The following AZI2 variants were observed in gnomAD, a reference collection of about 807,000 sequenced individuals.
The protein encoded by AZI2 is 5-azacytidine induced 2.
AZI2 carries 22 observed loss-of-function variants against 45.8 expected under a neutral mutation model. That is an observed-to-expected ratio of 0.48 (90% CI 0.34 to 0.69). The LOEUF is 0.69. Among genes scored for constraint, AZI2 ranks in the 30% least tolerant of loss-of-function variants. The probability of loss-of-function intolerance (pLI) is 0.01; values close to 1 mark genes in which losing one functional copy is unlikely to be tolerated. For synonymous variants in AZI2, 137 were observed against 156.7 expected, an observed-to-expected ratio of 0.87 and a Z score of 0.94; for missense variants, 417 against 441.5, an observed-to-expected ratio of 0.94 and a Z score of 0.50.
At position 28,324,417 on chromosome 3, in the gene AZI2, T is replaced by G; in HGVS notation, c.804A>C (p.Arg268Ser). The change falls in exon 8 of 8, where the codon AGA becomes AGC. Residue 268 changes from arginine (R) to serine (S), a missense_variant. Arg to Ser is a moderately radical substitution (Grantham distance 110). Coordinates refer to ENST00000479665, the MANE Select transcript of AZI2 (RefSeq NM_022461.5). ...APVGCSEDLG[R>S]DSTKLHLMNF... ...TCATCAAGTGCAGTTTTGTGCTGTC[T>G]CTTCCAAGGTCTTCACTGCATCCTA... The G allele has an allele frequency of 6.5e-7, 1 of 1,529,164 alleles. No individual in the cohort carries two copies. The highest frequency in any genetic ancestry group is 8.8e-7 in the Non-Finnish European group (1 of 1,137,086). The allele number at this position is 1,529,164 out of a possible 1,614,324, so 94.7% of individuals were successfully genotyped here.
chr3:28,337,900 A>T, intron 4 of AZI2, 37 bp downstream of exon 4: 1 of 1,281,668 alleles, frequency 7.8e-7, no homozygotes, highest in Non-Finnish European at 1.1e-6. Flanking sequence ...AAATATGTTA[A>T]TTCTGTTAGA....
chr3:28,332,258 A>G (rs1703607859), intron 6 of AZI2, 111 bp downstream of exon 6: 5 of 886,120 alleles, frequency 5.6e-6, no homozygotes, highest in Non-Finnish European at 1.8e-6. Flanking sequence ...TATCCAAACA[A>G]TATCCATTTT....
intron 7 of AZI2, 26 bp from the exon 8 acceptor site, chr3:28,324,480 T>C (rs1423873527): frequency 2.8e-6 from 4 of 1,431,488 alleles, no homozygotes; most frequent in Non-Finnish European, 3.7e-6. Flanking sequence ...AGACTAAATG[T>C]CAGTTTTCAT....
At position 28,324,431 on chromosome 3, in the gene AZI2, C is replaced by A; in HGVS notation, c.790G>T (p.Glu264Ter). 6.6e-7 allele frequency: 1 copy of A among 1,512,262 alleles called. No homozygotes were observed. Among genetic ancestry groups the A allele is most frequent in the Non-Finnish European group, 8.9e-7 (1 of 1,128,600 alleles). 93.7% of individuals were successfully genotyped at this position (1,512,262 alleles called of 1,614,324 possible). Residue 264 changes from glutamate to a stop codon, truncating the protein, a stop_gained, in exon 8 of 8, where the codon GAA becomes TAA. Transcript: ENST00000479665. LOFTEE classifies it high-confidence loss of function. Reference protein sequence around the residue: ...KKACAPVGCSEDLGRDSTKLH... With the variant: ...KKACAPVGCS ...TTTGTGCTGTCTCTTCCAAGGTCTT[C>A]ACTGCATCCTACAGGGGCACAGGCT...
intron 2 of AZI2, 35 bp from the exon 3 acceptor site, chr3:28,338,650 G>A: frequency 6.3e-7 from 1 of 1,580,536 alleles, no homozygotes; most frequent in Non-Finnish European, 8.6e-7. Flanking sequence ...AAGCTTAAGA[G>A]AGTATTCTAT....
In AZI2 at chr3:28,324,192, A is replaced by G; in HGVS notation, c.1029T>C (p.Ser343=). The G allele has an allele frequency of 6.2e-7, 1 of 1,610,782 alleles. No individual in the cohort carries two copies. Among genetic ancestry groups the G allele is most frequent in the Non-Finnish European group, 8.5e-7 (1 of 1,177,674 alleles). ...FQEHSSYGRN[S]LEDNSWVFPS... ...GAAATACCCAGGAATTGTCTTCCAGAGAATTTCTGCCATAAGAACTGTGTT... is the reference window on the plus strand; with the variant it reads ...GAAATACCCAGGAATTGTCTTCCAGGGAATTTCTGCCATAAGAACTGTGTT... Residue 343 remains serine, a synonymous_variant, in exon 8 of 8, where the codon TCT becomes TCC. Coordinates refer to ENST00000479665, the MANE Select transcript of AZI2 (RefSeq NM_022461.5).
chr3:28,332,010 A>G (rs1703598185), intron 6 of AZI2: 4 of 1,034,380 alleles, frequency 3.9e-6, no homozygotes, highest in African/African-American at 1.6e-5. Flanking sequence ...AAGACTAACA[A>G]TGGCCAAGTA....
rs1231203028 is a variant in AZI2 at position 28,323,639 on chromosome 3, T to C, written c.*403A>G. The stretch of plus-strand genomic sequence containing the variant: ...ACTCACATTGCCATTTGTTCCATTA[T>C]GCAATTTGAAGAAACATGTTTTCCT... On this transcript the variant is annotated 3_prime_UTR_variant, in exon 8 of 8. Coordinates refer to ENST00000479665, the MANE Select transcript of AZI2 (RefSeq NM_022461.5). The C allele has an allele frequency of 6.4e-6, 1 of 155,758 alleles. No homozygotes were observed. The highest frequency in any genetic ancestry group is 1.4e-5 in the Non-Finnish European group (1 of 70,242). The allele number at this position is 155,758 out of a possible 1,614,324, so 9.6% of individuals were successfully genotyped here. A position where few individuals can be genotyped will look rare whatever the true frequency, so the allele number is the denominator to read the frequency against.
At position 28,347,454 on chromosome 3, in the gene AZI2, G is replaced by A. The variant is rs146948406; in HGVS notation, c.-6+1147C>T. Among the ~76,000 whole-genome samples, 6 of 152,234 alleles carry A rather than the reference G, an allele frequency of 3.9e-5. 1 individual carries two copies. In the East Asian group the frequency reaches 1.2e-3, roughly 29 times the overall value. On this transcript the variant is annotated intron_variant, in intron 1 of 7. Transcript: ENST00000479665. ...CATGAAAACATTAGAAAGTAGGGGA[G>A]CCAGAAATGAAAATCAGGCAGCTGA...
chr3:28,339,035 C>T (rs1703910328), intron 2 of AZI2, among the ~76,000 whole-genome samples: 1 of 151,086 alleles, frequency 6.6e-6, no homozygotes, highest in Admixed American at 6.6e-5. Context: ...GGCTGGAGTG[C>T]AATGGGGCGA....
chr3:28,333,373 C>A (rs1703659470), intron 5 of AZI2, among the ~76,000 whole-genome samples: 1 of 151,620 alleles, frequency 6.6e-6, no homozygotes, highest in Non-Finnish European at 1.5e-5. Flanking sequence ...AGAGGGGAAA[C>A]AGAACTGGCC....
At chr3:28,333,521 A>G (rs866194387) in intron 5 of AZI2, among the ~76,000 whole-genome samples, 5 of 142,944 alleles carry the variant, frequency 3.5e-5, no homozygotes, top group Admixed American at 7.1e-5. Context: ...TTTTTTTTTA[A>G]AAATTAGTAT....
chr3:28,327,982 CA>C (rs1056783142), intron 6 of AZI2, among the ~76,000 whole-genome samples: 1 of 150,154 alleles, frequency 6.7e-6, no homozygotes, highest in Non-Finnish European at 1.5e-5. Context: ...AAAAGGATAA[CA>C]TTTTTGAAAT....
At chr3:28,334,250 T>C (rs1299819664) in intron 5 of AZI2, among the ~76,000 whole-genome samples, 1 of 151,922 alleles carries the variant, frequency 6.6e-6, no homozygotes, top group Non-Finnish European at 1.5e-5. Flanking sequence ...CTTAAAAATT[T>C]TTTTTAAAAT....
In AZI2 at chr3:28,323,354, A is replaced by AAT. The variant is rs1165853889; in HGVS notation, c.*687_*688insAT. On this transcript the variant is annotated 3_prime_UTR_variant, in exon 8 of 8. Transcript: ENST00000479665. The stretch of plus-strand genomic sequence containing the variant: ...CACCCCAGAGTTTTTCAACTATTTC[A>AAT]TTTTTTTTTTTTTTTTTCCCAATTA... The AAT allele has an allele frequency of 2.3e-5, 3 of 132,826 alleles. No homozygotes were observed. The highest frequency in any genetic ancestry group is 4.9e-5 in the Non-Finnish European group (3 of 61,418). 8.2% of individuals were successfully genotyped at this position (132,826 alleles called of 1,614,324 possible).
At position 28,336,850 on chromosome 3, in the gene AZI2, C is replaced by T. The variant is rs766328611; in HGVS notation, c.475G>A (p.Glu159Lys). The change falls in exon 5 of 8, where the codon GAG (glutamate) becomes AAG (lysine). Residue 159 changes from glutamate (E) to lysine (K), a missense_variant. Coordinates refer to ENST00000479665, the MANE Select transcript of AZI2 (RefSeq NM_022461.5). ...RNLNPPSSNW[E>K]VEKLSCDLKI... ...AGGTCACAGCTCAACTTTTCCACCT[C>T]CCAGTTTGATGAAGGTGGATTTAAA... 1 of 1,613,122 alleles carries T rather than the reference C, an allele frequency of 6.2e-7. No individual in the cohort carries two copies. Among genetic ancestry groups the T allele is most frequent in the South Asian group, 1.1e-5 (1 of 91,006 alleles).
At chr3:28,338,315 C>G (rs1703879460) in intron 3 of AZI2, among the ~76,000 whole-genome samples, 178 bp downstream of exon 3, 1 of 151,298 alleles carries the variant, frequency 6.6e-6, no homozygotes, top group Non-Finnish European at 1.5e-5. Context: ...TCATTACATA[C>G]TAAATATTTT....
At chr3:28,343,238 T>A (rs1704094275) in intron 1 of AZI2, among the ~76,000 whole-genome samples, 1 of 152,066 alleles carries the variant, frequency 6.6e-6, no homozygotes, top group South Asian at 2.1e-4. Flanking sequence ...AAAGAGCAAA[T>A]GTCTCTTAAG....
Position 28,324,373 on chromosome 3 carries a change from G to T in AZI2, c.848C>A (p.Thr283Lys). ...ATTTGGTAAGAGAGGGGGATGTCTT[G>T]TGTATGTTGCAGTAAAATTCATCAA... is the stretch of plus-strand genomic sequence containing the variant. ...LHLMNFTATY[T>K]RHPPLLPNGK... Residue 283 changes from threonine (T) to lysine (K), a missense_variant, in exon 8 of 8, where the codon ACA becomes AAA. Coordinates refer to ENST00000479665, the MANE Select transcript of AZI2 (RefSeq NM_022461.5). 1 of 1,580,102 alleles carries T rather than the reference G, an allele frequency of 6.3e-7. No individual in the cohort carries two copies. The highest frequency in any genetic ancestry group is 1.2e-5 in the South Asian group (1 of 85,988).
Sources: gnomAD v4.1 joint callset for allele counts (sites outside exome capture counted in the v4.1 genomes callset) on GRCh38, gnomAD v4.1.1 for gene constraint, MANE v1.5 for transcripts, NCBI Gene and HGNC (gene_info 2026-07-23, HGNC 2026-07-21) for gene names.